Variants in PCDH15 observed in about 807,000 individuals in gnomAD.
The protein encoded by PCDH15 is protocadherin related 15, also known as protocadherin-15.
In PCDH15, 129 loss-of-function variants were observed where a neutral mutation model predicts 178.5. The ratio of observed to expected loss-of-function variants is 0.72; its 90% CI spans 0.63 to 0.84. PCDH15 has a LOEUF of 0.84. PCDH15 is among the 40% of genes least tolerant of loss of function. The pLI is 0.00. For synonymous variants in PCDH15, 800 were observed against 732.0 expected, an observed-to-expected ratio of 1.09 and a Z score of -1.50; for missense variants, 2,230 against 2,099.9, an observed-to-expected ratio of 1.06 and a Z score of -1.21.
Position 54,717,794 on chromosome 10 carries a change from A to G in PCDH15, c.-28-53504T>C, listed in dbSNP as rs911339379. On this transcript the variant is annotated intron_variant, in intron 1 of 37. Coordinates refer to ENST00000644397, the MANE Select transcript of PCDH15 (RefSeq NM_001384140.1). ...CCAAAGGACCATAAATCATGCTGCTATAAAGACACATGCACACGTATGTTT... is the reference window on the plus strand; with the variant it reads ...CCAAAGGACCATAAATCATGCTGCTGTAAAGACACATGCACACGTATGTTT... 1.1e-3 allele frequency among the ~76,000 whole-genome samples: 153 copies of G among 143,606 alleles called. 10 individuals are homozygous for G. The highest frequency in any genetic ancestry group is 1.8e-3 in the Non-Finnish European group (119 of 65,922). 94.2% of individuals were successfully genotyped at this position (143,606 alleles called of 152,430 possible).
chr10:55,385,146 T>C (rs985375566), intron 2 of PCDH15, among the ~76,000 whole-genome samples: 6 of 152,118 alleles, frequency 3.9e-5, no homozygotes, highest in Admixed American at 6.6e-5. Context: ...TCCATATACA[T>C]AAATAAAGAA....
intron 2 of PCDH15, among the ~76,000 whole-genome samples, chr10:54,928,208 G>A (rs1837679947): frequency 6.6e-6 from 1 of 152,054 alleles, no homozygotes; most frequent in South Asian, 2.1e-4. Context: ...TAGTTTGGCT[G>A]AATAAAAGAT....
chr10:54,252,052 T>C (rs1252926527), intron 8 of PCDH15, among the ~76,000 whole-genome samples: 1 of 152,134 alleles, frequency 6.6e-6, no homozygotes, highest in Non-Finnish European at 1.5e-5. Context: ...TGAAACTGTG[T>C]ATTAAGCGAT....
chr10:55,356,571 C>A (rs1217022943), intron 2 of PCDH15, among the ~76,000 whole-genome samples: 1 of 151,632 alleles, frequency 6.6e-6, no homozygotes, highest in African/African-American at 2.4e-5. Context: ...ACAAAAGAAA[C>A]ACAGAATTGA....
intron 1 of PCDH15, among the ~76,000 whole-genome samples, chr10:54,674,899 T>A (rs572862483): frequency 6.6e-6 from 1 of 152,224 alleles, no homozygotes; most frequent in Non-Finnish European, 1.5e-5. Context: ...TACAATTAGT[T>A]GGTTCTTTAT....
intron 2 of PCDH15, among the ~76,000 whole-genome samples, chr10:55,589,525 C>T (rs4304666): frequency 6.6e-6 from 1 of 150,778 alleles, no homozygotes; most frequent in African/African-American, 2.4e-5. Context: ...AGTGAACAGG[C>T]AACCTACACA....
chr10:55,364,353 G>A (rs923337339), intron 2 of PCDH15, among the ~76,000 whole-genome samples: 1 of 152,066 alleles, frequency 6.6e-6, no homozygotes, highest in South Asian at 2.1e-4. Flanking sequence ...TTTTTTAGTG[G>A]ATATAGAATT....
rs561091840 is a variant in PCDH15, at chr10:53,904,701, C to T, written c.3374-1331G>A. Among the ~76,000 whole-genome samples the T allele has an allele frequency of 1.1e-4, 16 of 152,246 alleles. No homozygotes were observed. The East Asian group carries it at 3.1e-3, about 29-fold the overall frequency. On this transcript the variant is annotated intron_variant, in intron 25 of 37. Coordinates refer to ENST00000644397, the MANE Select transcript of PCDH15 (RefSeq NM_001384140.1). ...CTATCCTGCAGTGCCAGGGCTCTGA[C>T]TTGTACCTTAGTCAGCCACCACAAA...
intron 13 of PCDH15, among the ~76,000 whole-genome samples, chr10:54,163,252 G>C (rs2045891586): frequency 2.0e-5 from 3 of 152,014 alleles, no homozygotes; most frequent in African/African-American, 7.2e-5. Flanking sequence ...CTGCTATAAG[G>C]AACTAACTCA....
intron 2 of PCDH15, among the ~76,000 whole-genome samples, chr10:54,541,251 G>A (rs75437680): frequency 0.089 from 13,614 of 152,114 alleles, 654 homozygotes; most frequent in Non-Finnish European, 0.11. Context: ...AGGAAACCTC[G>A]ATGACATCAC....
intron 2 of PCDH15, among the ~76,000 whole-genome samples, chr10:54,917,898 C>G (rs752928516): frequency 1.6e-4 from 24 of 152,042 alleles, no homozygotes; most frequent in Non-Finnish European, 8.8e-5. Flanking sequence ...TGGAGGATAT[C>G]AATACTAATT....
chr10:55,600,831 TC>T (rs1302637606), intron 2 of PCDH15, among the ~76,000 whole-genome samples: 1 of 152,178 alleles, frequency 6.6e-6, no homozygotes, highest in Non-Finnish European at 1.5e-5. Context: ...TCTTATGCTT[TC>T]CACTAAGCTG....
At chr10:54,254,709 G>A (rs974193172) in intron 8 of PCDH15, among the ~76,000 whole-genome samples, 3 of 152,152 alleles carry the variant, frequency 2.0e-5, no homozygotes, top group Non-Finnish European at 4.4e-5. Flanking sequence ...ACCTAAATTT[G>A]TTTTCACACT....
At chr10:53,835,468 CA>C (rs1477634911) in intron 29 of PCDH15, among the ~76,000 whole-genome samples, 2 of 151,770 alleles carry the variant, frequency 1.3e-5, no homozygotes, top group Non-Finnish European at 2.9e-5. Flanking sequence ...AACAAAATGA[CA>C]AAAAAGTGCC....
At chr10:54,880,482 T>C (rs1474217526) in intron 3 of PCDH15, among the ~76,000 whole-genome samples, 2 of 152,030 alleles carry the variant, frequency 1.3e-5, no homozygotes, top group Middle Eastern at 3.4e-3. Context: ...CTTCTAACAA[T>C]TGAGAAAAGC....
At chr10:54,686,041 ATT>A (rs66539612) in intron 1 of PCDH15, among the ~76,000 whole-genome samples, 8 of 126,866 alleles carry the variant, frequency 6.3e-5, no homozygotes, top group African/African-American at 1.5e-4. Flanking sequence ...AAGACAGCCA[ATT>A]TTTTTTTTTT....
chr10:54,705,877 A>G (rs1327330911), intron 1 of PCDH15, among the ~76,000 whole-genome samples: 1 of 152,078 alleles, frequency 6.6e-6, no homozygotes, highest in Non-Finnish European at 1.5e-5. Context: ...CTGATGATGG[A>G]TTTTTTTCAA....
chr10:54,072,136 C>T (rs558165036), intron 17 of PCDH15, among the ~76,000 whole-genome samples: 185 of 152,086 alleles, frequency 1.2e-3, no homozygotes, highest in Non-Finnish European at 2.3e-3. Flanking sequence ...CAAAGTTTTC[C>T]TATCTGAATA....
intron 2 of PCDH15, among the ~76,000 whole-genome samples, chr10:55,118,113 C>G (rs1174771366): frequency 2.0e-5 from 3 of 152,012 alleles, no homozygotes; most frequent in Non-Finnish European, 2.9e-5. Context: ...GATCTGACAC[C>G]CCAGCTGCCA....
Sources: allele counts gnomAD v4.1 joint callset (sites outside exome capture counted in the v4.1 genomes callset), GRCh38; gene constraint gnomAD v4.1.1; transcripts MANE v1.5; gene names NCBI Gene and HGNC (gene_info 2026-07-23, HGNC 2026-07-21).